LIPI: variants seen among roughly 807,000 people sequenced by gnomAD.
LIPI encodes lipase I, also known as lipase member I.
Under a neutral mutation model 50.6 loss-of-function variants are expected in LIPI, and 59 were observed. The ratio of observed to expected loss-of-function variants is 1.16; its 90% confidence interval spans 0.94 to 1.45. LIPI has a LOEUF of 1.45. LIPI is among the 40% of genes most tolerant of loss of function. The probability of loss-of-function intolerance (pLI) is 0.00; values close to 1 mark genes in which losing one functional copy is unlikely to be tolerated. For missense variants in LIPI, 586 were observed against 536.3 expected (o/e 1.09, Z -0.92); for synonymous variants, 203 against 178.2 (o/e 1.14, Z -1.11).
chr21:14,149,470 T>C (rs2018013053), intron 8 of LIPI, among the ~76,000 whole-genome samples: 1 of 152,160 alleles, frequency 6.6e-6, no homozygotes, highest in African/African-American at 2.4e-5. Flanking sequence ...TTCTCACATT[T>C]CAAAACACAA....
chr21:14,122,725 C>T (rs1176497090), intron 9 of LIPI, among the ~76,000 whole-genome samples: 1 of 152,194 alleles, frequency 6.6e-6, no homozygotes, highest in African/African-American at 2.4e-5. Flanking sequence ...GTGACTAACA[C>T]ATGCAACCCC....
At chr21:14,188,569 A>G (rs1452674519) in intron 2 of LIPI, among the ~76,000 whole-genome samples, 1 of 121,194 alleles carries the variant, frequency 8.3e-6, no homozygotes, top group African/African-American at 3.6e-5. Context: ...ACCTGTCTCA[A>G]AAAAAAAAAA....
intron 4 of LIPI, among the ~76,000 whole-genome samples, chr21:14,181,420 A>G (rs2019265125): frequency 6.6e-6 from 1 of 152,198 alleles, no homozygotes; most frequent in Admixed American, 6.6e-5. Context: ...ACCTAAATAC[A>G]TCAGGAACAT....
At chr21:14,156,665 T>C (rs1386955764) in intron 7 of LIPI, among the ~76,000 whole-genome samples, 1 of 151,814 alleles carries the variant, frequency 6.6e-6, no homozygotes, top group Non-Finnish European at 1.5e-5. Flanking sequence ...AATAATGTGA[T>C]ATAGCTATAA....
chr21:14,134,981 A>G (rs113094289), intron 9 of LIPI, among the ~76,000 whole-genome samples: 3 of 152,326 alleles, frequency 2.0e-5, no homozygotes, highest in African/African-American at 7.2e-5. Context: ...AAAAGAAACA[A>G]TCAACCGAGT....
intron 9 of LIPI, among the ~76,000 whole-genome samples, chr21:14,118,982 G>T (rs1466710321): frequency 1.3e-5 from 2 of 152,200 alleles, no homozygotes; most frequent in African/African-American, 4.8e-5. Flanking sequence ...CGAGGTGGTG[G>T]CTACACTGCA....
At chr21:14,177,265 A>G (rs572835615) in intron 4 of LIPI, among the ~76,000 whole-genome samples, 114 of 152,150 alleles carry the variant, frequency 7.5e-4, no homozygotes, top group Middle Eastern at 6.9e-3. Context: ...ATTTACCACC[A>G]TTTGGAGGAT....
chr21:14,153,514 C>T (rs949101508), intron 7 of LIPI, among the ~76,000 whole-genome samples: 1 of 152,164 alleles, frequency 6.6e-6, no homozygotes, highest in Non-Finnish European at 1.5e-5. Flanking sequence ...CACCCTCCCA[C>T]TATAAATACA....
chr21:14,200,918 A>C (rs116398579), intron 1 of LIPI, among the ~76,000 whole-genome samples: 4,051 of 152,218 alleles, frequency 0.027, 172 homozygotes, highest in African/African-American at 0.092. Flanking sequence ...AAAAGCAGAC[A>C]CATAAACCAG....
intron 8 of LIPI, among the ~76,000 whole-genome samples, chr21:14,150,385 A>G (rs1379800903): frequency 1.3e-5 from 2 of 152,158 alleles, no homozygotes; most frequent in Non-Finnish European, 2.9e-5. Flanking sequence ...GCTTTCAAAT[A>G]CTTCCTTGAT....
intron 6 of LIPI, among the ~76,000 whole-genome samples, chr21:14,164,743 C>T (rs1271477859): frequency 3.3e-5 from 5 of 152,086 alleles, no homozygotes; most frequent in Admixed American, 3.3e-4. Flanking sequence ...CTTAACTGCT[C>T]TTAGCAGGTT....
At chr21:14,129,344 T>C (rs1418173771) in intron 9 of LIPI, among the ~76,000 whole-genome samples, 1 of 152,112 alleles carries the variant, frequency 6.6e-6, no homozygotes, top group Non-Finnish European at 1.5e-5. Flanking sequence ...AATTATTGAA[T>C]GCATTTATAT....
chr21:14,142,844 C>A (rs1018721296), intron 9 of LIPI, among the ~76,000 whole-genome samples: 9 of 151,860 alleles, frequency 5.9e-5, no homozygotes, highest in Non-Finnish European at 4.4e-5. Context: ...TTAACTTACA[C>A]TTATATTTGA....
intron 1 of LIPI, among the ~76,000 whole-genome samples, chr21:14,203,095 A>G (rs886954172): frequency 6.6e-6 from 1 of 152,230 alleles, no homozygotes; most frequent in Admixed American, 6.5e-5. Flanking sequence ...GCTCGTCATC[A>G]CTGGCCATCA....
intron 9 of LIPI, among the ~76,000 whole-genome samples, chr21:14,121,716 A>G (rs2016869660): frequency 6.6e-6 from 1 of 152,132 alleles, no homozygotes; most frequent in African/African-American, 2.4e-5. Flanking sequence ...AGTTGCAAGT[A>G]TTACACCTTG....
At chr21:14,198,649 CAG>C (rs1371813151) in intron 1 of LIPI, among the ~76,000 whole-genome samples, 1 of 152,086 alleles carries the variant, frequency 6.6e-6, no homozygotes, top group Admixed American at 6.6e-5. Flanking sequence ...CAAAGAGACT[CAG>C]AATCCCACAC....
chr21:14,185,907 A>T, intron 3 of LIPI, 54 bp downstream of exon 3: 1 of 1,058,888 alleles, frequency 9.4e-7, no homozygotes, highest in Non-Finnish European at 1.4e-6. Flanking sequence ...TAGCAAAGTA[A>T]CTTCTGATAC....
chr21:14,127,696 T>C (rs1417300175), intron 9 of LIPI, among the ~76,000 whole-genome samples: 1 of 152,128 alleles, frequency 6.6e-6, no homozygotes, highest in Admixed American at 6.5e-5. Context: ...TCTTTTCCCT[T>C]TCCTTTATAA....
chr21:14,145,461 G>A lies in LIPI; in HGVS notation c.1119-662C>T, dbSNP rs150763697. On this transcript the variant is annotated intron_variant, in intron 8 of 9. Transcript: ENST00000681601. Reference sequence around the variant, plus strand: ...CTCAATTTCTCATCCCTATGTGCCAGAAATGTGGGTCCCTGGAGTCATTTA... The same window carrying A: ...CTCAATTTCTCATCCCTATGTGCCAAAAATGTGGGTCCCTGGAGTCATTTA... 5.9e-3 allele frequency among the ~76,000 whole-genome samples: 904 copies of A among 152,220 alleles called. 7 individuals are homozygous for A. The highest frequency in any genetic ancestry group is 0.02 in the African/African-American group (816 of 41,534).
Sources: gnomAD v4.1 joint callset for allele counts (sites outside exome capture counted in the v4.1 genomes callset) on GRCh38, gnomAD v4.1.1 for gene constraint, MANE v1.5 for transcripts, NCBI Gene and HGNC (gene_info 2026-07-23, HGNC 2026-07-21) for gene names.